SNUPN: variants seen among roughly 807,000 people sequenced by gnomAD.
SNUPN encodes snurportin-1.
Under a neutral mutation model 39.2 loss-of-function variants are expected in SNUPN, and 31 were observed. The ratio of observed to expected loss-of-function variants is 0.79; its 90% CI spans 0.59 to 1.07. SNUPN has a LOEUF of 1.07. SNUPN is among the 50% of genes least tolerant of loss of function. The pLI is 0.00. For synonymous variants in SNUPN, 132 were observed against 159.0 expected (o/e 0.83, Z 1.28); for missense variants, 382 against 434.2 (o/e 0.88, Z 1.07).
chr15:75,608,590 A>G (rs943325579), intron 5 of SNUPN, among the ~76,000 whole-genome samples: 2 of 152,198 alleles, frequency 1.3e-5, no homozygotes, highest in Non-Finnish European at 2.9e-5. Flanking sequence ...AGAAAGGAGA[A>G]AAGGGAGTTT....
chr15:75,615,888 G>A (rs1030636012), intron 3 of SNUPN, among the ~76,000 whole-genome samples: 4 of 151,852 alleles, frequency 2.6e-5, no homozygotes, highest in South Asian at 2.1e-4. Context: ...GATTACAGGC[G>A]TGAGCCACTG....
intron 1 of SNUPN, among the ~76,000 whole-genome samples, chr15:75,624,149 G>C (rs1184004218): frequency 6.8e-6 from 1 of 147,234 alleles, no homozygotes; most frequent in Non-Finnish European, 1.5e-5. Flanking sequence ...GGATGGTCTC[G>C]ATCTCCTGAC....
intron 7 of SNUPN, among the ~76,000 whole-genome samples, chr15:75,604,160 T>TG (rs909662730): frequency 2.7e-5 from 4 of 146,462 alleles, no homozygotes; most frequent in Non-Finnish European, 4.5e-5. Context: ...CCTTTAACTT[T>TG]TTTTTTTTTT....
intron 6 of SNUPN, 199 bp from the exon 7 acceptor site, chr15:75,605,426 A>C (rs2075323679): frequency 2.6e-6 from 1 of 390,682 alleles, no homozygotes; most frequent in East Asian, 5.7e-5. Flanking sequence ...CCTGCCTCCC[A>C]AGTAGCTGGG....
intron 1 of SNUPN, among the ~76,000 whole-genome samples, chr15:75,624,496 TAAA>T (rs59069672): frequency 5.7e-5 from 7 of 123,852 alleles, no homozygotes; most frequent in Non-Finnish European, 8.5e-5. Context: ...CCGTCTCTAC[TAAA>T]AAAAAAAAAA....
chr15:75,622,474 C>T (rs772905179), intron 1 of SNUPN: 107 of 985,228 alleles, frequency 1.1e-4, no homozygotes, highest in Non-Finnish European at 1.2e-4. Flanking sequence ...AAACAGACTT[C>T]CCACTTTAGG....
chr15:75,611,196 C>T (rs1177440753), intron 3 of SNUPN, among the ~76,000 whole-genome samples: 1 of 151,464 alleles, frequency 6.6e-6, no homozygotes, highest in African/African-American at 2.4e-5. Context: ...GACTTTGTCC[C>T]ATCAATTAAT....
intron 1 of SNUPN, chr15:75,622,416 A>C: frequency 1.0e-6 from 1 of 985,324 alleles, no homozygotes; most frequent in South Asian, 4.7e-5. Context: ...GAACTTCCAT[A>C]AAGTACATTA....
chr15:75,614,204 T>C lies in SNUPN; in HGVS notation c.303+3204A>G, dbSNP rs189304955. 3.4e-3 allele frequency among the ~76,000 whole-genome samples: 516 copies of C among 152,156 alleles called. 7 individuals are homozygous for C. Among genetic ancestry groups the C allele is most frequent in the African/African-American group, 0.011 (472 of 41,490 alleles). On this transcript the variant is annotated intron_variant, in intron 3 of 8. Transcript: ENST00000308588. ...TACTAGGGAGGCTGAGGCAGGAAGA[T>C]CACTTAAACTCAGGAGATGGAGGTT...
At chr15:75,613,667 A>C (rs955898093) in intron 3 of SNUPN, among the ~76,000 whole-genome samples, 1 of 151,962 alleles carries the variant, frequency 6.6e-6, no homozygotes, top group Non-Finnish European at 1.5e-5. Flanking sequence ...AGAAAAGAAA[A>C]GAAAAGATGT....
intron 8 of SNUPN, among the ~76,000 whole-genome samples, chr15:75,599,610 C>T (rs1595980391): frequency 6.6e-6 from 1 of 152,174 alleles, no homozygotes; most frequent in East Asian, 1.9e-4. Context: ...GGAAGACCTC[C>T]TACAGTCCCA....
intron 8 of SNUPN, among the ~76,000 whole-genome samples, chr15:75,599,797 T>C (rs1256731053): frequency 6.6e-6 from 1 of 151,982 alleles, no homozygotes; most frequent in Non-Finnish European, 1.5e-5. Context: ...TATATAAAAT[T>C]ACATCCAGTT....
chr15:75,626,033 C>G (rs1010873676), upstream of SNUPN: 1 of 152,248 alleles, frequency 6.6e-6, no homozygotes, highest in East Asian at 1.9e-4. Flanking sequence ...ATCTTGTGGC[C>G]GGGCATTCAA....
intron 2 of SNUPN, among the ~76,000 whole-genome samples, chr15:75,618,422 A>C (rs971449867): frequency 3.0e-4 from 45 of 152,138 alleles, no homozygotes; most frequent in African/African-American, 9.9e-4. Flanking sequence ...TCTAACTTTC[A>C]AAAAAGGTCA....
At chr15:75,606,189 C>T (rs1391177589) in intron 6 of SNUPN, among the ~76,000 whole-genome samples, 3 of 152,148 alleles carry the variant, frequency 2.0e-5, no homozygotes, top group South Asian at 2.1e-4. Flanking sequence ...ACAATAAGGA[C>T]GTGTTGTAAG....
At chr15:75,624,100 T>G (rs1032316094) in intron 1 of SNUPN, among the ~76,000 whole-genome samples, 1 of 149,484 alleles carries the variant, frequency 6.7e-6, no homozygotes, top group East Asian at 2.0e-4. Flanking sequence ...GCTAATTTTT[T>G]GTATTTTCAG....
chr15:75,614,159 C>T (rs541264679), intron 3 of SNUPN, among the ~76,000 whole-genome samples: 37 of 152,026 alleles, frequency 2.4e-4, no homozygotes, highest in Non-Finnish European at 4.9e-4. Flanking sequence ...GGTGTGATGG[C>T]ACACACCTGT....
intron 5 of SNUPN, among the ~76,000 whole-genome samples, chr15:75,608,544 C>G (rs968201161): frequency 6.6e-5 from 10 of 152,162 alleles, no homozygotes; most frequent in African/African-American, 2.4e-4. Context: ...CTCAGCTAGG[C>G]CCAGTGGGGA....
intron 1 of SNUPN, among the ~76,000 whole-genome samples, chr15:75,624,088 C>A (rs1028735691): frequency 5.3e-5 from 8 of 149,548 alleles, no homozygotes; most frequent in Non-Finnish European, 7.4e-5. Context: ...CCACTACGCC[C>A]GGCTAATTTT....
Sources: allele counts gnomAD v4.1 joint callset (sites outside exome capture counted in the v4.1 genomes callset), GRCh38; gene constraint gnomAD v4.1.1; transcripts MANE v1.5; gene names NCBI Gene and HGNC (gene_info 2026-07-23, HGNC 2026-07-21).